TINAGL1: variants seen among roughly 807,000 people sequenced by gnomAD.
TINAGL1 encodes the protein tubulointerstitial nephritis antigen-like.
A neutral mutation model predicts 62.0 loss-of-function variants in TINAGL1; 34 were observed. That is an observed-to-expected ratio of 0.55 (90% CI 0.42 to 0.73). The LOEUF (loss-of-function observed/expected upper bound fraction) is 0.73, where lower values mean the gene tolerates loss of function less well. TINAGL1 is among the 30% of genes least tolerant of loss of function. TINAGL1 has a pLI of 0.00. For synonymous variants in TINAGL1, 221 were observed against 249.7 expected (o/e 0.88, Z 1.08); for missense variants, 516 against 653.2 (o/e 0.79, Z 2.29).
rs771800137 is a variant in TINAGL1, at chr1:31,585,709, G to A, written c.1094-44G>A. On this transcript the variant is annotated intron_variant, in intron 9 of 11. Transcript: ENST00000271064. This position sits in a 1 kb window ranked among gnomAD's most constrained non-coding sequence, Gnocchi z 4.3. The stretch of plus-strand genomic sequence containing the variant: ...TCAATAGACTCAGGCTCCAGTGCCT[G>A]TGCCAACGGGCTGAGTGGACCCTAC... 12 of 1,595,144 alleles carry A rather than the reference G, an allele frequency of 7.5e-6. No individual in the cohort carries two copies. The East Asian group carries it at 2.2e-4, about 30-fold the overall frequency.
rs780770245 is a variant in TINAGL1 at position 31,587,024 on chromosome 1, G to A, written c.*45G>A. On this transcript the variant is annotated 3_prime_UTR_variant, in exon 12 of 12. Transcript: ENST00000271064. ...GGTCCGGCCTGGGATCCAGGCTAAG[G>A]GCCGGCGGAAGAGGCCCCAATGGGG... 4 of 1,409,104 alleles carry A rather than the reference G, an allele frequency of 2.8e-6. No individual in the cohort carries two copies. Among genetic ancestry groups the A allele is most frequent in the Non-Finnish European group, 3.7e-6 (4 of 1,086,204 alleles). The allele number at this position is 1,409,104 out of a possible 1,614,324, so 87.3% of individuals were successfully genotyped here. A position where few individuals can be genotyped will look rare whatever the true frequency, so the allele number is the denominator to read the frequency against.
At chr1:31,586,017 A>G in intron 10 of TINAGL1, 141 bp downstream of exon 10, 2 of 1,216,384 alleles carry the variant, frequency 1.6e-6, no homozygotes, top group Admixed American at 6.6e-5. Flanking sequence ...TGAGACTCAG[A>G]AAGAGAAAGG....
Position 31,577,409 on chromosome 1 carries a change from C to T in TINAGL1, c.261C>T (p.Asp87=). 6.2e-7 allele frequency: 1 copy of T among 1,613,726 alleles called. No individual in the cohort carries two copies. The highest frequency in any genetic ancestry group is 8.5e-7 in the Non-Finnish European group (1 of 1,179,878). ...CNRTVSDCCP[D]FWDFCLGVPP... ...GCACGGTCTCCGACTGCTGCCCTGA[C>T]TTCTGGGACTTCTGCCTCGGCGTGC... The change falls in exon 2 of 12, where the codon GAC becomes GAT. Residue 87 remains aspartate (D), a synonymous_variant. Coordinates refer to ENST00000271064, the MANE Select transcript of TINAGL1 (RefSeq NM_022164.3). The surrounding 1 kb of genome is among the most constrained non-coding windows in gnomAD (Gnocchi z 5.4).
Position 31,583,278 on chromosome 1 carries a change from T to G in TINAGL1, c.467+37T>G, listed in dbSNP as rs1215054025. The G allele has an allele frequency of 1.3e-6, 2 of 1,588,310 alleles. No homozygotes were observed. Among genetic ancestry groups the G allele is most frequent in the Non-Finnish European group, 8.6e-7 (1 of 1,156,704 alleles). Reference sequence around the variant, plus strand: ...TAGAGGCACCCTCAGTGGGCACACATGCATACTCATGCATGTATACACGCA... The same window carrying G: ...TAGAGGCACCCTCAGTGGGCACACAGGCATACTCATGCATGTATACACGCA... On this transcript the variant is annotated intron_variant, in intron 4 of 11. Coordinates refer to ENST00000271064, the MANE Select transcript of TINAGL1 (RefSeq NM_022164.3). This position sits in a 1 kb window ranked among gnomAD's most constrained non-coding sequence, Gnocchi z 4.4.
At chr1:31,580,410 A>G (rs1639212010) in intron 3 of TINAGL1, 7 of 1,289,244 alleles carry the variant, frequency 5.4e-6, no homozygotes, top group Non-Finnish European at 6.1e-6. Flanking sequence ...CTCCTCATGA[A>G]GGCTCTGGGG....
rs1017659553 is a variant in TINAGL1 at position 31,576,922 on chromosome 1, G to C, written c.-15-212G>C. The C allele has an allele frequency of 2.0e-5, 10 of 502,400 alleles. No individual in the cohort carries two copies. The highest frequency in any genetic ancestry group is 3.7e-5 in the Admixed American group (1 of 26,964). 31.1% of individuals were successfully genotyped at this position (502,400 alleles called of 1,614,324 possible). On this transcript the variant is annotated intron_variant, in intron 1 of 11. Coordinates refer to ENST00000271064, the MANE Select transcript of TINAGL1 (RefSeq NM_022164.3). This position sits in a 1 kb window ranked among gnomAD's most constrained non-coding sequence, Gnocchi z 5.1. The stretch of plus-strand genomic sequence containing the variant: ...CCTTGTCCTTGAAGGTCCCTGCCTA[G>C]GTCAGGGAGGGGCTCCGTTTCTGCC...
Position 31,577,096 on chromosome 1 carries a change from C to G in TINAGL1, c.-15-38C>G. The G allele has an allele frequency of 7.0e-7, 1 of 1,423,762 alleles. No individual in the cohort carries two copies. Among genetic ancestry groups the G allele is most frequent in the Non-Finnish European group, 9.2e-7 (1 of 1,086,634 alleles). The allele number at this position is 1,423,762 out of a possible 1,614,324, so 88.2% of individuals were successfully genotyped here. On this transcript the variant is annotated intron_variant, in intron 1 of 11. Transcript: ENST00000271064. This position sits in a 1 kb window ranked among gnomAD's most constrained non-coding sequence, Gnocchi z 5.4. ...AACTGGGAGACTCATCCCTGGTGTTCCAGGGAGTCTCTGCTGCCCACCATC... is the reference window on the plus strand; with the variant it reads ...AACTGGGAGACTCATCCCTGGTGTTGCAGGGAGTCTCTGCTGCCCACCATC...
rs750673630 is a variant in TINAGL1, at chr1:31,576,811, C to T, written c.-16+216C>T. Reference sequence around the variant, plus strand: ...GTCAGGGATGGAGGCTGCTGGAGGGCAGAGAGACCTAGGACAGGAGAGAAG... The same window carrying T: ...GTCAGGGATGGAGGCTGCTGGAGGGTAGAGAGACCTAGGACAGGAGAGAAG... On this transcript the variant is annotated intron_variant, in intron 1 of 11. Transcript: ENST00000271064. The surrounding 1 kb of genome is among the most constrained non-coding windows in gnomAD (Gnocchi z 5.1). Among the ~76,000 whole-genome samples, 4 of 152,120 alleles carry T rather than the reference C, an allele frequency of 2.6e-5. No individual in the cohort carries two copies. The highest frequency in any genetic ancestry group is 5.9e-5 in the Non-Finnish European group (4 of 68,006).
At chr1:31,581,514 G>A (rs1639245130) in intron 3 of TINAGL1, among the ~76,000 whole-genome samples, 1 of 152,196 alleles carries the variant, frequency 6.6e-6, no homozygotes, top group South Asian at 2.1e-4. Context: ...CATTTTCAGA[G>A]TTGAAGATGT....
chr1:31,581,697 A>C (rs1343772115), intron 3 of TINAGL1, among the ~76,000 whole-genome samples: 1 of 152,196 alleles, frequency 6.6e-6, no homozygotes, highest in Non-Finnish European at 1.5e-5. Context: ...TGAGCACTTA[A>C]TGATGGACCA....
intron 3 of TINAGL1, chr1:31,580,869 G>C: frequency 6.9e-6 from 7 of 1,018,752 alleles, no homozygotes; most frequent in Non-Finnish European, 8.9e-6. Context: ...CACAGTCCTT[G>C]TCCCATTTCT....
At chr1:31,582,153 A>G (rs1639263162) in intron 3 of TINAGL1, among the ~76,000 whole-genome samples, 1 of 151,932 alleles carries the variant, frequency 6.6e-6, no homozygotes. Flanking sequence ...AACATAGCAA[A>G]ACCCCATCTC....
chr1:31,580,694 G>C (rs1210561841), intron 3 of TINAGL1: 1 of 1,281,118 alleles, frequency 7.8e-7, no homozygotes, highest in East Asian at 5.6e-5. Flanking sequence ...GCCTTGGACA[G>C]CTTGCAAGGA....
intron 11 of TINAGL1, 24 bp downstream of exon 11, chr1:31,586,779 G>A (rs989322233): frequency 2.0e-6 from 3 of 1,512,594 alleles, no homozygotes; most frequent in African/African-American, 1.4e-5. Context: ...CCCTTTCCCC[G>A]CCCCCTCTTC....
rs754638746 is a variant in TINAGL1, at chr1:31,586,919, C to A, written c.1344C>A (p.Ile448=). 2 of 1,540,732 alleles carry A rather than the reference C, an allele frequency of 1.3e-6. No individual in the cohort carries two copies. The highest frequency in any genetic ancestry group is 1.3e-5 in the South Asian group (1 of 79,398). The change falls in exon 12 of 12, where the codon ATC becomes ATA. Residue 448 remains isoleucine (I), a synonymous_variant. Coordinates refer to ENST00000271064, the MANE Select transcript of TINAGL1 (RefSeq NM_022164.3). ...RIVRGVNECD[I]ESFVLGVWGR... ...TGCGCGGCGTCAATGAGTGCGACATCGAGAGCTTCGTGCTGGGCGTCTGGG... is the reference window on the plus strand; with the variant it reads ...TGCGCGGCGTCAATGAGTGCGACATAGAGAGCTTCGTGCTGGGCGTCTGGG...
chr1:31,587,316 T>G lies in TINAGL1; in HGVS notation c.*337T>G. On this transcript the variant is annotated 3_prime_UTR_variant, in exon 12 of 12. Transcript: ENST00000271064. ...CAGCCCCACTACCCCACCCCACTCC[T>G]GTATTCTTTTTTTTTTTTTTTTAGA... 1.4e-5 allele frequency: 3 copies of G among 212,712 alleles called. No individual in the cohort carries two copies. The highest frequency in any genetic ancestry group is 9.2e-6 in the Non-Finnish European group (1 of 108,876). The allele number at this position is 212,712 out of a possible 1,614,324, so 13.2% of individuals were successfully genotyped here.
chr1:31,583,280 C>T lies in TINAGL1; in HGVS notation c.467+39C>T, dbSNP rs1257436648. On this transcript the variant is annotated intron_variant, in intron 4 of 11. Coordinates refer to ENST00000271064, the MANE Select transcript of TINAGL1 (RefSeq NM_022164.3). This position sits in a 1 kb window ranked among gnomAD's most constrained non-coding sequence, Gnocchi z 4.4. ...GAGGCACCCTCAGTGGGCACACATG[C>T]ATACTCATGCATGTATACACGCATG... The T allele has an allele frequency of 1.5e-5, 24 of 1,588,318 alleles. No homozygotes were observed. The highest frequency in any genetic ancestry group is 2.1e-5 in the Non-Finnish European group (24 of 1,156,832).
Position 31,587,101 on chromosome 1 carries a change from G to A in TINAGL1, c.*122G>A. 2 of 1,307,144 alleles carry A rather than the reference G, an allele frequency of 1.5e-6. No homozygotes were observed. Among genetic ancestry groups the A allele is most frequent in the Non-Finnish European group, 1.9e-6 (2 of 1,030,294 alleles). 81.0% of individuals were successfully genotyped at this position (1,307,144 alleles called of 1,614,324 possible). A position where few individuals can be genotyped will look rare whatever the true frequency, so the allele number is the denominator to read the frequency against. Reference sequence around the variant, plus strand: ...GCCCGGGGCGCAGGCGGGCGCCAGGGCGCTAATCCCGGCGCGGGTTCCGCT... The same window carrying A: ...GCCCGGGGCGCAGGCGGGCGCCAGGACGCTAATCCCGGCGCGGGTTCCGCT... On this transcript the variant is annotated 3_prime_UTR_variant, in exon 12 of 12. Transcript: ENST00000271064.
At position 31,584,078 on chromosome 1, in the gene TINAGL1, A is replaced by G. The variant is rs1557561034; in HGVS notation, c.582+503A>G. On this transcript the variant is annotated intron_variant, in intron 5 of 11. Coordinates refer to ENST00000271064, the MANE Select transcript of TINAGL1 (RefSeq NM_022164.3). This position sits in a 1 kb window ranked among gnomAD's most constrained non-coding sequence, Gnocchi z 4.0. ...AAGGGTGAGGAAGGGGAGCTTCAGC[A>G]GGCCTGGACCGGGACATGTGCCGGA... 2 of 168,212 alleles carry G rather than the reference A, an allele frequency of 1.2e-5. No individual in the cohort carries two copies. The highest frequency in any genetic ancestry group is 1.3e-5 in the Non-Finnish European group (1 of 76,694). 10.4% of individuals were successfully genotyped at this position (168,212 alleles called of 1,614,324 possible). A position where few individuals can be genotyped will look rare whatever the true frequency, so the allele number is the denominator to read the frequency against.
Sources: gnomAD v4.1 joint callset for allele counts (sites outside exome capture counted in the v4.1 genomes callset) on GRCh38, gnomAD v4.1.1 for gene constraint, Gnocchi (gnomAD v3.1) non-coding constraint, MANE v1.5 for transcripts, NCBI Gene and HGNC (gene_info 2026-07-23, HGNC 2026-07-21) for gene names.